Variants in ATG2B observed in about 807,000 individuals in gnomAD.
ATG2B encodes the protein autophagy related 2B.
ATG2B carries 121 observed loss-of-function variants against 241.3 expected under a neutral mutation model. The ratio of observed to expected loss-of-function variants is 0.50; its 90% CI spans 0.43 to 0.58. The LOEUF (loss-of-function observed/expected upper bound fraction) is 0.58. Among genes scored for constraint, ATG2B ranks in the 20% least tolerant of loss-of-function variants. The pLI is 0.00. For missense variants in ATG2B, 2,306 were observed against 2,491.6 expected (o/e 0.93, Z 1.59); for synonymous variants, 858 against 876.6 (o/e 0.98, Z 0.37).
intron 1 of ATG2B, among the ~76,000 whole-genome samples, chr14:96,361,460 C>A (rs1034282415): frequency 1.3e-5 from 2 of 152,080 alleles, no homozygotes; most frequent in Non-Finnish European, 2.9e-5. Context: ...CCCTTCCACC[C>A]ACAAAAGGCA....
chr14:96,317,039 A>C (rs1415776673), intron 20 of ATG2B, 106 bp downstream of exon 20: 3 of 1,137,634 alleles, frequency 2.6e-6, no homozygotes, highest in Non-Finnish European at 3.7e-6. Flanking sequence ...TCAGTCCCTG[A>C]AACAACTTCA....
chr14:96,311,972 G>T, intron 26 of ATG2B, 117 bp downstream of exon 26: 1 of 763,338 alleles, frequency 1.3e-6, no homozygotes, highest in Non-Finnish European at 2.2e-6. Flanking sequence ...AATCTTTAAG[G>T]ATCTTTAATA....
chr14:96,300,543 T>C (rs1280497), intron 34 of ATG2B, among the ~76,000 whole-genome samples: 113,980 of 151,958 alleles, frequency 0.75, 42,965 homozygotes, highest in African/African-American at 0.81. Context: ...AGAAAGAAAA[T>C]TGGGCTTGCT....
chr14:96,338,334 T>C (rs1887920594), intron 6 of ATG2B, among the ~76,000 whole-genome samples: 1 of 152,150 alleles, frequency 6.6e-6, no homozygotes, highest in African/African-American at 2.4e-5. Flanking sequence ...TGAATAGAAG[T>C]GGTGAAAGTG....
intron 5 of ATG2B, among the ~76,000 whole-genome samples, chr14:96,342,130 C>T (rs533309262): frequency 3.3e-5 from 5 of 152,058 alleles, no homozygotes; most frequent in African/African-American, 1.2e-4. Flanking sequence ...AATAAAATTT[C>T]ATCAATACAG....
chr14:96,308,209 TAA>T (rs1369216203), intron 29 of ATG2B, among the ~76,000 whole-genome samples: 2 of 114,938 alleles, frequency 1.7e-5, no homozygotes, highest in Non-Finnish European at 3.5e-5. Flanking sequence ...CATATATATA[TAA>T]ATACATAAAT....
chr14:96,313,023 C>T (rs370805659), intron 25 of ATG2B, 42 bp downstream of exon 25: 108 of 1,276,642 alleles, frequency 8.5e-5, no homozygotes, highest in Middle Eastern at 3.8e-4. Context: ...TGGTATGTTT[C>T]GAACAGCTTT....
At chr14:96,316,474 T>G in intron 21 of ATG2B, 59 bp downstream of exon 21, 1 of 1,532,802 alleles carries the variant, frequency 6.5e-7, no homozygotes, top group Non-Finnish European at 8.8e-7. Flanking sequence ...ATTTTCTTTG[T>G]TAAACAAGAA....
chr14:96,343,390 A>G lies in ATG2B; in HGVS notation c.582-109T>C, dbSNP rs1888095414. On this transcript the variant is annotated intron_variant, in intron 4 of 41. Coordinates refer to ENST00000359933, the MANE Select transcript of ATG2B (RefSeq NM_018036.7). ...CCTGCACATTGTGCACATGTACCCTAAAACTTAAAGTATAATAATAATAAT... is the reference window on the plus strand; with the variant it reads ...CCTGCACATTGTGCACATGTACCCTGAAACTTAAAGTATAATAATAATAAT... 7.4e-6 allele frequency: 3 copies of G among 403,214 alleles called. No individual in the cohort carries two copies. The Admixed American group carries it at 1.3e-4, about 17-fold the overall frequency. The allele number at this position is 403,214 out of a possible 1,614,324, so 25.0% of individuals were successfully genotyped here.
chr14:96,354,278 C>A (rs1888414246), intron 1 of ATG2B, among the ~76,000 whole-genome samples: 1 of 152,186 alleles, frequency 6.6e-6, no homozygotes, highest in African/African-American at 2.4e-5. Context: ...CTTCCTGATG[C>A]TCTCACTCCT....
intron 29 of ATG2B, among the ~76,000 whole-genome samples, chr14:96,307,261 A>T (rs758339838): frequency 6.6e-6 from 1 of 151,952 alleles, no homozygotes; most frequent in Non-Finnish European, 1.5e-5. Context: ...AAAATACAAA[A>T]ATCAGCTGGG....
intron 30 of ATG2B, 119 bp downstream of exon 30, chr14:96,306,595 A>G (rs1886955796): frequency 6.1e-6 from 5 of 823,456 alleles, no homozygotes. Flanking sequence ...TATTAAAAAA[A>G]AAAAAGTAAC....
intron 6 of ATG2B, among the ~76,000 whole-genome samples, chr14:96,341,266 C>T (rs746743966): frequency 1.3e-5 from 2 of 152,076 alleles, no homozygotes; most frequent in Non-Finnish European, 2.9e-5. Flanking sequence ...TTCGAATTGT[C>T]GGAATACGGG....
chr14:96,295,054 C>T lies in ATG2B; in HGVS notation c.5332G>A (p.Asp1778Asn). ...ACCACTTCCACTGAATTGGCACTATCATTTTGGGAAGGCTGTTTTGGCCCA... is the reference window on the plus strand; with the variant it reads ...ACCACTTCCACTGAATTGGCACTATTATTTTGGGAAGGCTGTTTTGGCCCA... ...FSGPKQPSQNDSANSVEVVNG... is the reference protein window; with the variant it reads ...FSGPKQPSQNNSANSVEVVNG... The change falls in exon 36 of 42, where the codon GAT (aspartate) becomes AAT (asparagine). Residue 1778 changes from aspartate (D) to asparagine (N), a missense_variant. Transcript: ENST00000359933. 1 of 1,614,222 alleles carries T rather than the reference C, an allele frequency of 6.2e-7. No individual in the cohort carries two copies. The highest frequency in any genetic ancestry group is 8.5e-7 in the Non-Finnish European group (1 of 1,180,040).
Position 96,343,185 on chromosome 14 carries a change from C to G in ATG2B, c.678G>C (p.Val226=). The G allele has an allele frequency of 6.2e-7, 1 of 1,608,142 alleles. No individual in the cohort carries two copies. Among genetic ancestry groups the G allele is most frequent in the Non-Finnish European group, 8.5e-7 (1 of 1,176,364 alleles). ...CAGAAAACTCATCCCAGAAGAGAGA[C>G]ACTCCAGAGAGCTGAAGTAACTTGT... ...FAHKLLQLSG[V]SLFWDEFSAS... The change falls in exon 5 of 42, where the codon GTG becomes GTC. Residue 226 remains valine, a synonymous_variant. Transcript: ENST00000359933.
chr14:96,329,197 GA>G (rs1237440782), intron 12 of ATG2B, among the ~76,000 whole-genome samples: 1 of 152,148 alleles, frequency 6.6e-6, no homozygotes, highest in Non-Finnish European at 1.5e-5. Flanking sequence ...AAATTCTTCT[GA>G]AATGAAGAGT....
Position 96,306,734 on chromosome 14 carries a change from C to G in ATG2B, c.4486G>C (p.Ala1496Pro). ...TENDDFCILF[A>P]PKAAMQEKEE... ...ATTACCTGCATGGCTGCTTTTGGTG[C>G]AAAAAGAATGCAAAAGTCATCATTC... The change falls in exon 30 of 42, where the codon GCA (alanine) becomes CCA (proline). Residue 1496 changes from alanine to proline, a missense_variant. By Grantham distance (27) the Ala-to-Pro change is conservative (BLOSUM62 -1). Around this residue, in one of 2 missense-constraint regions of ATG2B, gnomAD observed 1,927 missense variants for 2,011.2 expected, o/e 0.96. Transcript: ENST00000359933. 1 of 1,613,466 alleles carries G rather than the reference C, an allele frequency of 6.2e-7. No individual in the cohort carries two copies.
intron 1 of ATG2B, among the ~76,000 whole-genome samples, chr14:96,351,965 G>T (rs1280494172): frequency 6.6e-6 from 1 of 150,844 alleles, no homozygotes; most frequent in African/African-American, 2.4e-5. Context: ...ATACTGTTTT[G>T]ATCAACTATA....
At chr14:96,302,435 TA>T (rs1372131394) in intron 33 of ATG2B, among the ~76,000 whole-genome samples, 1 of 151,962 alleles carries the variant, frequency 6.6e-6, no homozygotes, top group African/African-American at 2.4e-5. Context: ...AACAAAAAAT[TA>T]GCCAGGCACG....
Sources: allele counts gnomAD v4.1 joint callset (sites outside exome capture counted in the v4.1 genomes callset), GRCh38; gene constraint gnomAD v4.1.1; regional missense constraint gnomAD v4.1.1; transcripts MANE v1.5; gene names NCBI Gene and HGNC (gene_info 2026-07-23, HGNC 2026-07-21).